The following MCTP1 variants were observed in gnomAD, a reference collection of about 807,000 sequenced individuals.
The protein encoded by MCTP1 is multiple C2 and transmembrane domain containing 1, also known as multiple C2 and transmembrane domain-containing protein 1.
In MCTP1, 69 loss-of-function variants were observed where a neutral mutation model predicts 120.6. That is an observed-to-expected ratio of 0.57 (90% confidence interval 0.47 to 0.70). The LOEUF (loss-of-function observed/expected upper bound fraction) is 0.70, where lower values mean the gene tolerates loss of function less well. MCTP1 is among the 30% of genes least tolerant of loss of function. The pLI is 0.00. For missense variants in MCTP1, 1,203 were observed against 1,248.8 expected (o/e 0.96, Z 0.55); for synonymous variants, 529 against 493.1 (o/e 1.07, Z -0.96).
chr5:95,200,399 A>T (rs1471379378), intron 1 of MCTP1, among the ~76,000 whole-genome samples: 1 of 152,224 alleles, frequency 6.6e-6, no homozygotes, highest in Non-Finnish European at 1.5e-5. Context: ...CTACACTCTC[A>T]TGTTCTTTGC....
intron 5 of MCTP1, among the ~76,000 whole-genome samples, chr5:94,937,706 G>A (rs893875612): frequency 7.2e-5 from 11 of 152,154 alleles, no homozygotes; most frequent in African/African-American, 2.4e-4. Flanking sequence ...GAACAACTCA[G>A]CAGCTTCATC....
chr5:94,849,604 C>T (rs1049021111), intron 17 of MCTP1, among the ~76,000 whole-genome samples: 12 of 151,872 alleles, frequency 7.9e-5, no homozygotes, highest in East Asian at 3.9e-4. Flanking sequence ...AGTAGGTACA[C>T]GGTCGATGGG....
At chr5:94,847,306 G>A (rs892905984) in intron 17 of MCTP1, among the ~76,000 whole-genome samples, 1 of 152,040 alleles carries the variant, frequency 6.6e-6, no homozygotes, top group Non-Finnish European at 1.5e-5. Flanking sequence ...ACAATTATTC[G>A]TTTCTCAGAA....
intron 17 of MCTP1, among the ~76,000 whole-genome samples, chr5:94,834,406 T>C (rs1789226224): frequency 6.6e-6 from 1 of 152,176 alleles, no homozygotes; most frequent in African/African-American, 2.4e-5. Context: ...ACACATATAT[T>C]TTTTACAATG....
At chr5:94,800,848 T>C (rs190833845) in intron 17 of MCTP1, among the ~76,000 whole-genome samples, 120 of 152,200 alleles carry the variant, frequency 7.9e-4, no homozygotes, top group African/African-American at 2.8e-3. Context: ...TTCAAGTTCC[T>C]GCATAAGAAA....
At chr5:94,928,209 AACACACACACACACACACAC>A (rs60502360) in intron 6 of MCTP1, among the ~76,000 whole-genome samples, 3 of 148,436 alleles carry the variant, frequency 2.0e-5, no homozygotes, top group Admixed American at 2.0e-4. Context: ...TCTAGGTTAA[AACACACACACACACACACAC>A]ACACACACAC....
chr5:94,895,101 G>A (rs1803635150), intron 10 of MCTP1, among the ~76,000 whole-genome samples: 1 of 152,066 alleles, frequency 6.6e-6, no homozygotes, highest in Non-Finnish European at 1.5e-5. Flanking sequence ...TTCATAAAGT[G>A]GTAAGGACTT....
Position 94,786,418 on chromosome 5 carries a change from T to C in MCTP1, c.2557-7255A>G, listed in dbSNP as rs1020030448. Reference sequence around the variant, plus strand: ...TTTCTATAAATAATGATATTTTTTATCTTTTTTATATAAAGAATAATCACC... The same window carrying C: ...TTTCTATAAATAATGATATTTTTTACCTTTTTTATATAAAGAATAATCACC... On this transcript the variant is annotated intron_variant, in intron 18 of 22. Transcript: ENST00000515393. Among the ~76,000 whole-genome samples the C allele has an allele frequency of 2.7e-4, 41 of 152,308 alleles. 1 individual carries two copies. The highest frequency in any genetic ancestry group is 9.4e-4 in the African/African-American group (39 of 41,570).
intron 17 of MCTP1, chr5:94,825,981 T>C: frequency 3.7e-6 from 1 of 270,602 alleles, no homozygotes; most frequent in Non-Finnish European, 7.2e-6. Context: ...AATAAGCCTG[T>C]TGATCTGGTC....
intron 1 of MCTP1, among the ~76,000 whole-genome samples, chr5:95,091,033 G>A (rs1007768112): frequency 1.3e-4 from 20 of 152,032 alleles, no homozygotes; most frequent in Admixed American, 3.3e-4. Context: ...AAATTACTTC[G>A]TAGACACCTC....
At chr5:95,103,934 G>A (rs1475342836) in intron 1 of MCTP1, among the ~76,000 whole-genome samples, 1 of 152,120 alleles carries the variant, frequency 6.6e-6, no homozygotes, top group East Asian at 1.9e-4. Context: ...ATTTGGGGGT[G>A]TACTGAACAA....
intron 1 of MCTP1, among the ~76,000 whole-genome samples, chr5:95,153,009 GA>G (rs1744707357): frequency 6.6e-6 from 1 of 152,164 alleles, no homozygotes; most frequent in South Asian, 2.1e-4. Flanking sequence ...AGGGAGAAAA[GA>G]AAACATAGTC....
intron 1 of MCTP1, among the ~76,000 whole-genome samples, chr5:95,218,350 T>C (rs1753273152): frequency 6.6e-6 from 1 of 152,146 alleles, no homozygotes; most frequent in African/African-American, 2.4e-5. Flanking sequence ...GAGAAATGAA[T>C]GAATGGGAGA....
intron 5 of MCTP1, among the ~76,000 whole-genome samples, chr5:94,934,737 GT>G (rs3030499): frequency 1.9e-4 from 26 of 136,572 alleles, no homozygotes; most frequent in South Asian, 4.7e-4. Context: ...AGATAAAGAA[GT>G]TTTTTTTTTT....
chr5:94,919,584 G>A (rs551630868), intron 7 of MCTP1, among the ~76,000 whole-genome samples: 1 of 152,268 alleles, frequency 6.6e-6, no homozygotes, highest in African/African-American at 2.4e-5. Flanking sequence ...AGCCATGTGT[G>A]GAATCAGCTC....
intron 2 of MCTP1, among the ~76,000 whole-genome samples, chr5:95,013,534 T>C (rs192308220): frequency 6.6e-6 from 1 of 152,270 alleles, no homozygotes; most frequent in Admixed American, 6.5e-5. Context: ...TCATTTACCA[T>C]TTTGAAAATC....
chr5:95,087,088 C>T (rs1381529920), intron 1 of MCTP1, among the ~76,000 whole-genome samples: 2 of 152,132 alleles, frequency 1.3e-5, no homozygotes, highest in African/African-American at 4.8e-5. Flanking sequence ...AATAGAGAAG[C>T]GTGGCCAGCA....
At chr5:95,036,783 T>C (rs1398784292) in intron 1 of MCTP1, among the ~76,000 whole-genome samples, 3 of 152,322 alleles carry the variant, frequency 2.0e-5, no homozygotes, top group Admixed American at 1.3e-4. Context: ...TTGATTTTCT[T>C]TGGAGAAAAC....
At position 94,952,793 on chromosome 5, in the gene MCTP1, C is replaced by T. The variant is rs192191302; in HGVS notation, c.981+426G>A. Reference sequence around the variant, plus strand: ...AGATAGGAATTTTTCTCCCCCATCACCTTCACCCTTCTCATGCTCCAAGTA... The same window carrying T: ...AGATAGGAATTTTTCTCCCCCATCATCTTCACCCTTCTCATGCTCCAAGTA... On this transcript the variant is annotated intron_variant, in intron 3 of 22. Transcript: ENST00000515393. 3.3e-5 allele frequency among the ~76,000 whole-genome samples: 5 copies of T among 151,922 alleles called. No individual in the cohort carries two copies. In the East Asian group the frequency reaches 7.8e-4, roughly 24 times the overall value.
Sources: allele counts gnomAD v4.1 joint callset (sites outside exome capture counted in the v4.1 genomes callset), GRCh38; gene constraint gnomAD v4.1.1; transcripts MANE v1.5; gene names NCBI Gene and HGNC (gene_info 2026-07-23, HGNC 2026-07-21).